The following APOLD1 variants were observed in gnomAD, a reference collection of about 807,000 sequenced individuals.
APOLD1 encodes apolipoprotein L domain-containing protein 1.
Under a neutral mutation model 15.3 loss-of-function variants are expected in APOLD1, and 22 were observed. The observed-to-expected ratio is 1.44, with a 90% CI of 1.03 to 2.05. APOLD1 has a LOEUF of 2.05. Among genes scored for constraint, APOLD1 ranks in the 30% most tolerant of loss-of-function variants. The probability of loss-of-function intolerance (pLI) is 0.00; values close to 1 mark genes in which losing one functional copy is unlikely to be tolerated. For synonymous variants in APOLD1, 190 were observed against 167.4 expected, an observed-to-expected ratio of 1.13 and a Z score of -1.04; for missense variants, 394 against 353.5, an observed-to-expected ratio of 1.11 and a Z score of -0.92.
At chr12:12,758,603 T>C (rs1174583673) in intron 1 of APOLD1, among the ~76,000 whole-genome samples, 1 of 152,162 alleles carries the variant, frequency 6.6e-6, no homozygotes, top group East Asian at 1.9e-4. Flanking sequence ...GAGCCAGCAT[T>C]TTTCCTGCCT....
chr12:12,732,972 C>T (rs1442226382), intron 1 of APOLD1, among the ~76,000 whole-genome samples: 2 of 151,840 alleles, frequency 1.3e-5, no homozygotes, highest in Admixed American at 1.3e-4. Context: ...AAGAAGGGTA[C>T]AAATTATAGC....
chr12:12,750,389 A>AAAAAG (rs1279826310), intron 1 of APOLD1, among the ~76,000 whole-genome samples: 2 of 151,324 alleles, frequency 1.3e-5, no homozygotes, highest in Non-Finnish European at 2.9e-5. Flanking sequence ...AAAAAAAAAA[A>AAAAAG]AAAAAGGAAA....
chr12:12,748,368 T>G (rs182984192), intron 1 of APOLD1, among the ~76,000 whole-genome samples: 1 of 152,224 alleles, frequency 6.6e-6, no homozygotes, highest in Non-Finnish European at 1.5e-5. Context: ...TAAGTTTGAC[T>G]TCATGTGGCT....
At chr12:12,763,702 G>A (rs776491686) in intron 1 of APOLD1, among the ~76,000 whole-genome samples, 50 of 152,098 alleles carry the variant, frequency 3.3e-4, no homozygotes, top group Admixed American at 2.6e-3. Flanking sequence ...TAGCATCCTC[G>A]CATTTCTGTA....
chr12:12,754,900 A>C (rs1448653864), intron 1 of APOLD1, among the ~76,000 whole-genome samples: 1 of 147,364 alleles, frequency 6.8e-6, no homozygotes, highest in Non-Finnish European at 1.5e-5. Flanking sequence ...AAAAAAAATT[A>C]GCCAAGCATG....
chr12:12,748,172 A>C (rs1002888998), intron 1 of APOLD1, among the ~76,000 whole-genome samples: 1 of 152,206 alleles, frequency 6.6e-6, no homozygotes, highest in Non-Finnish European at 1.5e-5. Flanking sequence ...TAAGAGAGTG[A>C]AAAAAATATC....
chr12:12,725,931 C>A, exon 1 of APOLD1: 2 of 1,293,322 alleles, frequency 1.5e-6, no homozygotes, highest in South Asian at 3.4e-5. Flanking sequence ...TGCAGGCAGG[C>A]GGGGGTGCGC....
intron 1 of APOLD1, among the ~76,000 whole-genome samples, chr12:12,750,441 C>T (rs1946803852): frequency 6.7e-6 from 1 of 149,304 alleles, no homozygotes; most frequent in Non-Finnish European, 1.5e-5. Flanking sequence ...TTTTAACCCA[C>T]ACATGTAAGA....
At chr12:12,726,430 TTTC>T in intron 1 of APOLD1, 1 of 372,332 alleles carries the variant, frequency 2.7e-6, no homozygotes, top group Non-Finnish European at 5.2e-6. Flanking sequence ...TGACTTTTTT[TTTC>T]TTTTTTGTAA....
At chr12:12,779,939 C>T (rs531766041) in intron 1 of APOLD1, among the ~76,000 whole-genome samples, 1 of 152,202 alleles carries the variant, frequency 6.6e-6, no homozygotes, top group South Asian at 2.1e-4. Flanking sequence ...TTTTCCTGTG[C>T]AGTTCCATGA....
chr12:12,771,585 G>T, intron 1 of APOLD1: 1 of 520,378 alleles, frequency 1.9e-6, no homozygotes. Flanking sequence ...TATGATGGAG[G>T]AAATGGCATC....
At chr12:12,763,270 C>T (rs866853820) in intron 1 of APOLD1, among the ~76,000 whole-genome samples, 20 of 151,726 alleles carry the variant, frequency 1.3e-4, no homozygotes, top group African/African-American at 4.1e-4. Context: ...TTGTATGCGG[C>T]GAGAACATTT....
At chr12:12,767,816 C>T (rs1267543010) in intron 1 of APOLD1, among the ~76,000 whole-genome samples, 1 of 151,758 alleles carries the variant, frequency 6.6e-6, no homozygotes, top group African/African-American at 2.4e-5. Context: ...GACGGAGTCT[C>T]ACTCTGTCAC....
intron 1 of APOLD1, among the ~76,000 whole-genome samples, chr12:12,730,865 G>A (rs1422724039): frequency 6.6e-6 from 1 of 152,066 alleles, no homozygotes; most frequent in Non-Finnish European, 1.5e-5. Context: ...AAATTGGCCA[G>A]GCACAGTGGC....
chr12:12,751,652 G>A (rs1337988404), intron 1 of APOLD1, among the ~76,000 whole-genome samples: 4 of 152,184 alleles, frequency 2.6e-5, no homozygotes, highest in Non-Finnish European at 2.9e-5. Context: ...CGCCCACCCA[G>A]GAGTGACTCT....
upstream of APOLD1, among the ~76,000 whole-genome samples, chr12:12,784,843 T>C (rs2136400937): frequency 6.6e-6 from 1 of 152,332 alleles, no homozygotes; most frequent in East Asian, 1.9e-4. Context: ...CTGTGCTGAA[T>C]TATCAAAATA....
In APOLD1 at chr12:12,787,527, T is replaced by A; in HGVS notation, c.622T>A (p.Ser208Thr). Residue 208 changes from serine to threonine, a missense_variant, in exon 2 of 2, where the codon TCC becomes ACC. Physicochemically the swap from Ser to Thr is moderately conservative, Grantham distance 58. Transcript: ENST00000356591. This position sits in a 1 kb window ranked among gnomAD's most constrained non-coding sequence, Gnocchi z 4.9. ...KIQKLAESLE[S>T]CTGALDELSE... ...TCAGAAACTGGCCGAGAGCCTGGAG[T>A]CCTGCACCGGGGCTCTGGACGAACT... 6.2e-7 allele frequency: 1 copy of A among 1,613,822 alleles called. No homozygotes were observed. The highest frequency in any genetic ancestry group is 1.1e-5 in the South Asian group (1 of 91,084).
chr12:12,746,024 T>A (rs1046483305), intron 1 of APOLD1, among the ~76,000 whole-genome samples: 9 of 152,110 alleles, frequency 5.9e-5, no homozygotes, highest in African/African-American at 1.7e-4. Context: ...CTGAATGCCA[T>A]GTGGTGTCAT....
chr12:12,785,614 T>C, upstream of APOLD1: 8 of 1,613,978 alleles, frequency 5.0e-6, no homozygotes, highest in Non-Finnish European at 5.1e-6. Context: ...AGGGCAGCCA[T>C]TGGTTCTCTG....
Sources: gnomAD v4.1 joint callset for allele counts (sites outside exome capture counted in the v4.1 genomes callset) on GRCh38, gnomAD v4.1.1 for gene constraint, Gnocchi (gnomAD v3.1) non-coding constraint, MANE v1.5 for transcripts, NCBI Gene and HGNC (gene_info 2026-07-23, HGNC 2026-07-21) for gene names.